MTUS2: variants seen among roughly 807,000 people sequenced by gnomAD.
MTUS2 encodes microtubule-associated tumor suppressor candidate 2.
A neutral mutation model predicts 114.1 loss-of-function variants in MTUS2; 40 were observed. That is an observed-to-expected ratio of 0.35 (90% confidence interval 0.27 to 0.46). The LOEUF is 0.46. MTUS2 is among the 20% of genes least tolerant of loss of function. MTUS2 has a pLI of 1.00. For synonymous variants in MTUS2, 688 were observed against 672.0 expected, an observed-to-expected ratio of 1.02 and a Z score of -0.37; for missense variants, 1,679 against 1,705.4, an observed-to-expected ratio of 0.98 and a Z score of 0.27.
intron 7 of MTUS2, chr13:29,339,945 C>G (rs1288895374): frequency 6.6e-6 from 1 of 152,440 alleles, no homozygotes; most frequent in East Asian, 1.9e-4. Context: ...TTGCCCATGA[C>G]AGCAATGCAG....
rs554837628 is a variant in MTUS2, at chr13:29,281,808, G to T, written c.2749G>T (p.Val917Leu). The T allele has an allele frequency of 1.2e-5, 20 of 1,612,104 alleles. No homozygotes were observed. The Admixed American group carries it at 3.3e-4, about 27-fold the overall frequency. Reference sequence around the variant, plus strand: ...GGTGGCCCCTCCAGCATCCTCCAGTGTGACAGCACCCCGCAGGAGTTTACT... The same window carrying T: ...GGTGGCCCCTCCAGCATCCTCCAGTTTGACAGCACCCCGCAGGAGTTTACT... Reference protein sequence around the residue: ...GRVAPPASSSVTAPRRSLLPA... With the variant: ...GRVAPPASSSLTAPRRSLLPA... The change falls in exon 6 of 16, where the codon GTG becomes TTG. Residue 917 changes from valine to leucine, a missense_variant. Around this residue, in one of 3 missense-constraint regions of MTUS2, gnomAD observed 822 missense variants for 899.7 expected, o/e 0.91. Transcript: ENST00000612955.
At chr13:29,258,047 C>G (rs548584136) in intron 5 of MTUS2, among the ~76,000 whole-genome samples, 52 of 152,336 alleles carry the variant, frequency 3.4e-4, no homozygotes, top group African/African-American at 1.1e-3. Flanking sequence ...CTATTGCTGC[C>G]TAACTAATTA....
chr13:29,034,235 C>A (rs1386950184), intron 4 of MTUS2, 110 bp downstream of exon 4: 9 of 1,424,162 alleles, frequency 6.3e-6, no homozygotes, highest in African/African-American at 1.4e-5. Flanking sequence ...TTAAGGAGAG[C>A]CTTTTTCTGT....
Position 29,024,973 on chromosome 13 carries a change from C to G in MTUS2, c.275C>G (p.Ser92Cys), listed in dbSNP as rs1199047394. ...TTTGGGAAAGGCTCTCAGGCTGGCT[C>G]TGCCAGCCTGAAAGATTTTAGACTT... ...QGFGKGSQAG[S>C]ASLKDFRLSS... The change falls in exon 3 of 16, where the codon TCT becomes TGT. Residue 92 changes from serine (S) to cysteine (C), a missense_variant. Ser to Cys is a moderately radical substitution (Grantham distance 112). This residue lies in a region of MTUS2 where 843 missense variants were observed against 770.8 expected (regional missense o/e 1.09). Coordinates refer to ENST00000612955, the MANE Select transcript of MTUS2 (RefSeq NM_001033602.4). 1 of 1,613,086 alleles carries G rather than the reference C, an allele frequency of 6.2e-7. No homozygotes were observed. The highest frequency in any genetic ancestry group is 8.5e-7 in the Non-Finnish European group (1 of 1,179,678).
chr13:28,981,975 C>T (rs1445708643), intron 2 of MTUS2, among the ~76,000 whole-genome samples: 1 of 152,148 alleles, frequency 6.6e-6, no homozygotes, highest in Non-Finnish European at 1.5e-5. Context: ...TTCTTGAATG[C>T]CCTAGGGATT....
intron 5 of MTUS2, among the ~76,000 whole-genome samples, chr13:29,125,454 C>T (rs1283149950): frequency 6.6e-6 from 1 of 152,076 alleles, no homozygotes; most frequent in African/African-American, 2.4e-5. Flanking sequence ...ACATTAATTT[C>T]GTATCTCCTA....
intron 4 of MTUS2, among the ~76,000 whole-genome samples, chr13:29,046,780 G>A (rs1392291744): frequency 5.3e-5 from 8 of 151,602 alleles, no homozygotes; most frequent in East Asian, 1.9e-4. Context: ...TAGGCACGCC[G>A]CAGTACCAGG....
At chr13:28,879,768 A>G (rs1440354865) in intron 2 of MTUS2, among the ~76,000 whole-genome samples, 1 of 152,046 alleles carries the variant, frequency 6.6e-6, no homozygotes, top group Non-Finnish European at 1.5e-5. Flanking sequence ...AAGTGAGGTC[A>G]AAGAATTTCC....
chr13:29,456,382 G>C (rs140236425), intron 9 of MTUS2, among the ~76,000 whole-genome samples: 1 of 152,286 alleles, frequency 6.6e-6, no homozygotes, highest in East Asian at 1.9e-4. Flanking sequence ...AGGTCTAACA[G>C]ATGTGTAACT....
At chr13:29,346,690 A>T (rs969228747) in intron 7 of MTUS2, among the ~76,000 whole-genome samples, 2 of 142,266 alleles carry the variant, frequency 1.4e-5, no homozygotes, top group African/African-American at 5.9e-5. Flanking sequence ...GACTCTGTCC[A>T]GGAAACTGCA....
At chr13:28,931,247 T>A (rs1440509305) in intron 2 of MTUS2, among the ~76,000 whole-genome samples, 1 of 151,894 alleles carries the variant, frequency 6.6e-6, no homozygotes, top group East Asian at 1.9e-4. Context: ...TGGGAAAAAA[T>A]AAAAAATAGC....
chr13:29,089,106 A>G (rs553673188), intron 4 of MTUS2, among the ~76,000 whole-genome samples: 2 of 152,276 alleles, frequency 1.3e-5, no homozygotes, highest in African/African-American at 2.4e-5. Flanking sequence ...TTTTATTTCC[A>G]TATTTAGCCC....
intron 2 of MTUS2, among the ~76,000 whole-genome samples, chr13:28,987,758 T>A (rs1593358712): frequency 7.3e-6 from 1 of 137,722 alleles, no homozygotes; most frequent in African/African-American, 2.6e-5. Context: ...TAAAATAACA[T>A]GTGTTTCCAT....
intron 7 of MTUS2, among the ~76,000 whole-genome samples, chr13:29,335,557 G>T (rs1901016005): frequency 6.6e-6 from 1 of 152,108 alleles, no homozygotes; most frequent in African/African-American, 2.4e-5. Context: ...AAACTTGCTG[G>T]TTTTGCGGCT....
chr13:29,488,184 A>T (rs1335610233), intron 11 of MTUS2, 179 bp downstream of exon 11: 4 of 595,968 alleles, frequency 6.7e-6, no homozygotes, highest in Non-Finnish European at 9.0e-6. Context: ...GGATCCAGGT[A>T]GTTAGCTGCT....
chr13:28,906,018 T>C (rs1370211104), intron 2 of MTUS2, among the ~76,000 whole-genome samples: 2 of 151,606 alleles, frequency 1.3e-5, no homozygotes, highest in African/African-American at 4.9e-5. Flanking sequence ...TCCATTTCTT[T>C]TAGTTTTTCT....
intron 9 of MTUS2, among the ~76,000 whole-genome samples, chr13:29,468,897 T>C (rs1880073585): frequency 6.6e-6 from 1 of 152,202 alleles, no homozygotes; most frequent in Non-Finnish European, 1.5e-5. Context: ...AGCATGTTTG[T>C]CCTGTAATTG....
intron 9 of MTUS2, among the ~76,000 whole-genome samples, chr13:29,444,052 C>T (rs1377993186): frequency 2.0e-5 from 3 of 152,200 alleles, no homozygotes; most frequent in African/African-American, 7.2e-5. Flanking sequence ...TAAACTGCTG[C>T]CCTAAATTCC....
chr13:28,989,388 A>G (rs563046744), intron 2 of MTUS2, among the ~76,000 whole-genome samples: 20 of 152,228 alleles, frequency 1.3e-4, no homozygotes, highest in Non-Finnish European at 2.4e-4. Flanking sequence ...TTAGGGGAGC[A>G]TATGTAGTTC....
Sources: allele counts gnomAD v4.1 joint callset (sites outside exome capture counted in the v4.1 genomes callset), GRCh38; gene constraint gnomAD v4.1.1; regional missense constraint gnomAD v4.1.1; transcripts MANE v1.5; gene names NCBI Gene and HGNC (gene_info 2026-07-23, HGNC 2026-07-21).